The following MAP2 variants were observed in gnomAD, a reference collection of about 807,000 sequenced individuals.
The protein encoded by MAP2 is microtubule-associated protein 2.
Under a neutral mutation model 137.6 loss-of-function variants are expected in MAP2, and 14 were observed. The ratio of observed to expected loss-of-function variants is 0.10; its 90% confidence interval spans 0.07 to 0.16. The LOEUF is 0.16. MAP2 is among the 10% of genes least tolerant of loss of function. The probability of loss-of-function intolerance (pLI) is 1.00; values close to 1 mark genes in which losing one functional copy is unlikely to be tolerated. For synonymous variants in MAP2, 786 were observed against 782.3 expected (o/e 1.00, Z -0.08); for missense variants, 2,088 against 2,191.5 (o/e 0.95, Z 0.94).
intron 1 of MAP2, among the ~76,000 whole-genome samples, chr2:209,452,817 C>G (rs1700624003): frequency 6.6e-6 from 1 of 152,116 alleles, no homozygotes. Flanking sequence ...CTTACCTTAA[C>G]TCCTTTGCTG....
intron 1 of MAP2, among the ~76,000 whole-genome samples, chr2:209,470,395 C>T (rs535085157): frequency 4.6e-5 from 7 of 151,800 alleles, no homozygotes; most frequent in Admixed American, 1.3e-4. Context: ...ACTGTAATTA[C>T]GCATACATCT....
chr2:209,515,180 T>A (rs1350281429), intron 2 of MAP2, among the ~76,000 whole-genome samples: 1 of 152,122 alleles, frequency 6.6e-6, no homozygotes, highest in Non-Finnish European at 1.5e-5. Flanking sequence ...AAGAGTTGAG[T>A]AAAGAAAACA....
At chr2:209,545,700 T>A (rs2153275304) in intron 2 of MAP2, among the ~76,000 whole-genome samples, 1 of 152,354 alleles carries the variant, frequency 6.6e-6, no homozygotes, top group Non-Finnish European at 1.5e-5. Flanking sequence ...TTTTAACTAC[T>A]TATTTTTAAA....
At chr2:209,688,859 T>C (rs1348344825) in intron 7 of MAP2, among the ~76,000 whole-genome samples, 1 of 152,214 alleles carries the variant, frequency 6.6e-6, no homozygotes, top group East Asian at 1.9e-4. Context: ...GCTCACCAAC[T>C]ATGGTCATCA....
chr2:209,452,214 CT>C lies in MAP2; in HGVS notation c.-222+27939del, dbSNP rs1700478224. On this transcript the variant is annotated intron_variant, in intron 1 of 15. Transcript: ENST00000682079. The stretch of plus-strand genomic sequence containing the variant: ...GTATTTTTCTCCTTTAGAGATGGAT[CT>C]GTGATCTCTACAAGTAGACAGAGTA... Among the ~76,000 whole-genome samples, 4 of 152,244 alleles carry C rather than the reference CT, an allele frequency of 2.6e-5. No homozygotes were observed. In the South Asian group the frequency reaches 8.3e-4, roughly 32 times the overall value.
At chr2:209,720,099 TGTAAA>T (rs1197881399) in intron 13 of MAP2, among the ~76,000 whole-genome samples, 1 of 152,122 alleles carries the variant, frequency 6.6e-6, no homozygotes, top group African/African-American at 2.4e-5. Flanking sequence ...CTGGCCAAAA[TGTAAA>T]GTAACAGAGA....
chr2:209,565,040 C>G (rs1320392575), intron 2 of MAP2, among the ~76,000 whole-genome samples: 2 of 152,150 alleles, frequency 1.3e-5, no homozygotes, highest in Non-Finnish European at 2.9e-5. Context: ...ATACCGAGCT[C>G]AAGCACTAAA....
intron 6 of MAP2, 141 bp downstream of exon 6, chr2:209,678,826 C>G: frequency 2.3e-6 from 1 of 441,182 alleles, no homozygotes; most frequent in South Asian, 4.3e-5. Flanking sequence ...ACTGGGTATG[C>G]ACTAGGACCT....
rs74369779 is a variant in MAP2, at chr2:209,669,200, C to T, written c.263-9372C>T. 3.7e-3 allele frequency among the ~76,000 whole-genome samples: 568 copies of T among 152,142 alleles called. 16 individuals are homozygous for T. In the East Asian group the frequency reaches 0.072, roughly 19 times the overall value. ...TAAGGTTGATGATTGCTGCTATTTG[C>T]GAATTCTTAGAAACGTTATAGGACG... On this transcript the variant is annotated intron_variant, in intron 5 of 15. Coordinates refer to ENST00000682079, the MANE Select transcript of MAP2 (RefSeq NM_001375505.1).
chr2:209,554,847 A>G (rs2153317173), intron 2 of MAP2, among the ~76,000 whole-genome samples: 1 of 149,632 alleles, frequency 6.7e-6, no homozygotes, highest in South Asian at 2.1e-4. Flanking sequence ...ACAGAATTTA[A>G]ATACACAGTA....
rs1262668728 is a variant in MAP2 at position 209,692,889 on chromosome 2, A to AGACAGAACC, written c.720_728dup (p.Thr241_Pro243dup). On this transcript the variant is annotated inframe_insertion, in exon 8 of 16. Coordinates refer to ENST00000682079, the MANE Select transcript of MAP2 (RefSeq NM_001375505.1). Reference sequence around the variant, plus strand: ...GCCAGCCTGGAAGACATGAAACAGAAGACAGAACCAAGCCTTGTAGTACCT... The same window carrying AGACAGAACC: ...GCCAGCCTGGAAGACATGAAACAGAAGACAGAACCGACAGAACCAAGCCTTGTAGTACCT... 1.4e-5 allele frequency: 23 copies of AGACAGAACC among 1,614,120 alleles called. No individual in the cohort carries two copies. The highest frequency in any genetic ancestry group is 1.9e-5 in the Non-Finnish European group (23 of 1,179,994).
intron 13 of MAP2, among the ~76,000 whole-genome samples, chr2:209,712,747 T>C (rs1459173570): frequency 2.6e-5 from 4 of 152,138 alleles, no homozygotes; most frequent in Admixed American, 6.6e-5. Flanking sequence ...GAGAGGTTTT[T>C]TCCATACTTG....
At chr2:209,424,413 T>C (rs1287696831) in intron 1 of MAP2, 137 bp downstream of exon 1, 3 of 152,626 alleles carry the variant, frequency 2.0e-5, no homozygotes. Flanking sequence ...TGGTAGTTGG[T>C]CGAGTGGCCA....
intron 1 of MAP2, among the ~76,000 whole-genome samples, chr2:209,442,101 A>G (rs570080389): frequency 6.6e-6 from 1 of 151,732 alleles, no homozygotes; most frequent in Non-Finnish European, 1.5e-5. Flanking sequence ...ATGTTTTTCT[A>G]CAAATGTAAG....
At chr2:209,576,084 G>A (rs1231398609) in intron 2 of MAP2, among the ~76,000 whole-genome samples, 2 of 152,146 alleles carry the variant, frequency 1.3e-5, no homozygotes, top group Non-Finnish European at 2.9e-5. Flanking sequence ...TATTTCAGAA[G>A]AGGCACAGGG....
At chr2:209,661,727 G>A in intron 5 of MAP2, 1 of 975,416 alleles carries the variant, frequency 1.0e-6, no homozygotes, top group Non-Finnish European at 1.2e-6. Flanking sequence ...TCTACTAGGT[G>A]AAGCTGGTTG....
chr2:209,726,238 A>T (rs1038814608), intron 14 of MAP2, among the ~76,000 whole-genome samples: 1 of 152,084 alleles, frequency 6.6e-6, no homozygotes, highest in East Asian at 1.9e-4. Context: ...AATTTCTCAG[A>T]TTCTTTATTA....
intron 3 of MAP2, among the ~76,000 whole-genome samples, chr2:209,584,458 T>A (rs115434763): frequency 0.015 from 2,322 of 152,300 alleles, 66 homozygotes; most frequent in African/African-American, 0.053. Context: ...ATATTCATCT[T>A]TTTTGAATTA....
chr2:209,620,300 C>A (rs1031195598), intron 3 of MAP2, among the ~76,000 whole-genome samples: 13 of 152,188 alleles, frequency 8.5e-5, no homozygotes, highest in African/African-American at 2.9e-4. Flanking sequence ...CTACAATAGC[C>A]TGGAGCTTCT....
Sources: allele counts gnomAD v4.1 joint callset (sites outside exome capture counted in the v4.1 genomes callset), GRCh38; gene constraint gnomAD v4.1.1; transcripts MANE v1.5; gene names NCBI Gene and HGNC (gene_info 2026-07-23, HGNC 2026-07-21).